MYL4: variants seen among roughly 807,000 people sequenced by gnomAD.
MYL4 encodes atrial myosin light chain 1.
MYL4 carries 16 observed loss-of-function variants against 21.6 expected under a neutral mutation model. That is an observed-to-expected ratio of 0.74 (90% CI 0.50 to 1.12). The LOEUF is 1.12. Among genes scored for constraint, MYL4 ranks in the 50% most tolerant of loss-of-function variants. The probability of loss-of-function intolerance (pLI) is 0.00; values close to 1 mark genes in which losing one functional copy is unlikely to be tolerated. For missense variants in MYL4, 249 were observed against 252.9 expected, an observed-to-expected ratio of 0.98 and a Z score of 0.11; for synonymous variants, 82 against 95.7, an observed-to-expected ratio of 0.86 and a Z score of 0.83.
At chr17:47,220,254 A>G (rs951289880) in intron 3 of MYL4, among the ~76,000 whole-genome samples, 4 of 152,206 alleles carry the variant, frequency 2.6e-5, no homozygotes, top group African/African-American at 9.7e-5. Flanking sequence ...ACCCTTGAGG[A>G]ATGTAGCCTG....
Position 47,209,397 on chromosome 17 carries a change from T to A in MYL4, c.-26T>A. On this transcript the variant is annotated 5_prime_UTR_variant, in exon 1 of 7. Transcript: ENST00000393450. ...TCTCGGTTTCTTCTTAGATCACTCC[T>A]CTGCCAAAGATCCCAACAAGACAAC... 6.2e-7 allele frequency: 1 copy of A among 1,614,138 alleles called. No homozygotes were observed. The highest frequency in any genetic ancestry group is 1.7e-4 in the Middle Eastern group (1 of 6,058).
chr17:47,190,362 A>T, the MYL4 span, among the ~76,000 whole-genome samples: 3 of 152,198 alleles, frequency 2.0e-5, no homozygotes, highest in African/African-American at 7.2e-5. Context: ...AGACTCTCTC[A>T]TATTTCCTTT....
upstream of MYL4, among the ~76,000 whole-genome samples, chr17:47,199,626 C>T (rs556136086): frequency 2.0e-5 from 3 of 147,004 alleles, no homozygotes; most frequent in Non-Finnish European, 4.5e-5. Flanking sequence ...CAAGGCATTA[C>T]ATTAACAAAT....
upstream of MYL4, among the ~76,000 whole-genome samples, chr17:47,207,106 AG>A: frequency 6.6e-6 from 1 of 152,218 alleles, no homozygotes; most frequent in South Asian, 2.1e-4. Flanking sequence ...GGAGGAGGTG[AG>A]GTGCACAGAG....
chr17:47,223,752 T>TGTGTGTGTGTGA (rs1010943565), downstream of MYL4: 3 of 151,550 alleles, frequency 2.0e-5, no homozygotes, highest in African/African-American at 7.3e-5. Flanking sequence ...TGTGTGTGTG[T>TGTGTGTGTGTGA]GAGAGAGAGA....
At chr17:47,218,505 GC>G (rs1476699358) in intron 2 of MYL4, among the ~76,000 whole-genome samples, 1 of 152,054 alleles carries the variant, frequency 6.6e-6, no homozygotes, top group African/African-American at 2.4e-5. Context: ...GAAGAATTGG[GC>G]CCGGGTATGA....
chr17:47,222,423 G>C lies in MYL4; in HGVS notation c.531G>C (p.Gly177=). The C allele has an allele frequency of 2.5e-6, 4 of 1,614,126 alleles. No homozygotes were observed. The highest frequency in any genetic ancestry group is 3.4e-6 in the Non-Finnish European group (4 of 1,179,970). ...CTGAAGTGGAGCAGCTGTTAGCTGGGCAAGAGGATGCCAATGGCTGCATCA... is the reference window on the plus strand; with the variant it reads ...CTGAAGTGGAGCAGCTGTTAGCTGGCCAAGAGGATGCCAATGGCTGCATCA... ...TEAEVEQLLA[G]QEDANGCINY... The change falls in exon 5 of 7, where the codon GGG becomes GGC. Residue 177 remains glycine, a synonymous_variant. Coordinates refer to ENST00000393450, the MANE Select transcript of MYL4 (RefSeq NM_002476.2).
chr17:47,214,607 CA>C (rs2064800679), intron 2 of MYL4, among the ~76,000 whole-genome samples: 1 of 151,866 alleles, frequency 6.6e-6, no homozygotes, highest in East Asian at 1.9e-4. Flanking sequence ...AACAAAAAAG[CA>C]AAAAAGCACA....
At chr17:47,207,112 A>G (rs988364258), upstream of MYL4, among the ~76,000 whole-genome samples, 3 of 152,162 alleles carry the variant, frequency 2.0e-5, no homozygotes, top group African/African-American at 7.2e-5. Context: ...GGTGAGGTGC[A>G]CAGAGCAAAG....
At chr17:47,195,950 G>A (rs1193045053), upstream of MYL4, among the ~76,000 whole-genome samples, 1 of 152,222 alleles carries the variant, frequency 6.6e-6, no homozygotes, top group African/African-American at 2.4e-5. Context: ...ACTTAGTACA[G>A]TATCTGGCAT....
At chr17:47,197,103 T>G (rs1251012342), upstream of MYL4, among the ~76,000 whole-genome samples, 2 of 65,400 alleles carry the variant, frequency 3.1e-5, no homozygotes, top group Non-Finnish European at 7.9e-5. Flanking sequence ...TTTTTTTTTT[T>G]TTTTTTTTTT....
chr17:47,221,607 G>GC, intron 3 of MYL4, 75 bp from the exon 4 acceptor site: 1 of 1,517,450 alleles, frequency 6.6e-7, no homozygotes, highest in Non-Finnish European at 8.9e-7. Flanking sequence ...TTGGGGTGAG[G>GC]CCCCCTCTTG....
At chr17:47,202,133 G>A (rs573554730) in intron 1 of MYL4, among the ~76,000 whole-genome samples, 4 of 151,974 alleles carry the variant, frequency 2.6e-5, no homozygotes, top group African/African-American at 4.8e-5. Flanking sequence ...TTACAGGCAC[G>A]TGCCACCACG....
Position 47,223,649 on chromosome 17 carries a change from A to G in MYL4, c.*156A>G, listed in dbSNP as rs939828570. The G allele has an allele frequency of 6.6e-6, 1 of 152,302 alleles. No homozygotes were observed. The highest frequency in any genetic ancestry group is 2.4e-5 in the African/African-American group (1 of 41,436). The allele number at this position is 152,302 out of a possible 1,614,324, so 9.4% of individuals were successfully genotyped here. On this transcript the variant is annotated 3_prime_UTR_variant, in exon 7 of 7. Coordinates refer to ENST00000393450, the MANE Select transcript of MYL4 (RefSeq NM_002476.2). Reference sequence around the variant, plus strand: ...GCCCTCCCTGTTAATAAACAGCTCTAACACGGCCAGGCTGGGCTCTGGGAT... The same window carrying G: ...GCCCTCCCTGTTAATAAACAGCTCTGACACGGCCAGGCTGGGCTCTGGGAT...
chr17:47,216,431 C>T (rs1360608873), intron 2 of MYL4, among the ~76,000 whole-genome samples: 2 of 151,906 alleles, frequency 1.3e-5, no homozygotes, highest in East Asian at 1.9e-4. Context: ...AAGCAGGTCT[C>T]CTTCTCTTCC....
At chr17:47,209,067 TGG>T (rs1323176644), upstream of MYL4, 1 of 381,224 alleles carries the variant, frequency 2.6e-6, no homozygotes, top group African/African-American at 2.1e-5. Context: ...CTCATCTCTC[TGG>T]CTGCTCCGGC....
At chr17:47,215,417 T>A (rs1372930280) in intron 2 of MYL4, among the ~76,000 whole-genome samples, 3 of 152,200 alleles carry the variant, frequency 2.0e-5, no homozygotes, top group African/African-American at 7.2e-5. Context: ...TTTGAAGACA[T>A]TTTTCCTTCT....
intron 4 of MYL4, 74 bp downstream of exon 4, chr17:47,221,929 T>A (rs2064859466): frequency 6.6e-7 from 1 of 1,508,894 alleles, no homozygotes; most frequent in African/African-American, 1.4e-5. Flanking sequence ...TGACATATGC[T>A]GGTTGGGTGG....
chr17:47,226,045 T>C (rs565248686), downstream of MYL4, among the ~76,000 whole-genome samples: 38 of 152,214 alleles, frequency 2.5e-4, no homozygotes, highest in African/African-American at 8.4e-4. Flanking sequence ...CTTCTTTCTT[T>C]CTTCAGCAAG....
Sources: gnomAD v4.1 joint callset for allele counts (sites outside exome capture counted in the v4.1 genomes callset) on GRCh38, gnomAD v4.1.1 for gene constraint, MANE v1.5 for transcripts, NCBI Gene and HGNC (gene_info 2026-07-23, HGNC 2026-07-21) for gene names.